IQGAP1: variants seen among roughly 807,000 people sequenced by gnomAD.
The protein encoded by IQGAP1 is ras GTPase-activating-like protein IQGAP1.
A neutral mutation model predicts 215.6 loss-of-function variants in IQGAP1; 66 were observed. That is an observed-to-expected ratio of 0.31 (90% CI 0.25 to 0.38). The LOEUF is 0.38. Ranked by LOEUF, IQGAP1 falls within the 10% of genes least tolerant of loss-of-function variation. IQGAP1 has a pLI of 1.00. For synonymous variants in IQGAP1, 772 were observed against 728.7 expected (o/e 1.06, Z -0.96); for missense variants, 1,712 against 1,997.1 (o/e 0.86, Z 2.72).
Position 90,483,571 on chromosome 15 carries a change from T to C in IQGAP1, c.3766T>C (p.Ser1256Pro). ...CTTAAGCATCATTAATGAATATCTTTCCCAGTCCTACCAGAAATTCAGGTA... is the reference window on the plus strand; with the variant it reads ...CTTAAGCATCATTAATGAATATCTTCCCCAGTCCTACCAGAAATTCAGGTA... ...AHLSIINEYL[S>P]QSYQKFRRFF... Residue 1256 changes from serine to proline, a missense_variant, in exon 29 of 38, where the codon TCC becomes CCC. Ser to Pro is a moderately conservative substitution (Grantham distance 74). Coordinates refer to ENST00000268182, the MANE Select transcript of IQGAP1 (RefSeq NM_003870.4). 1 of 1,611,984 alleles carries C rather than the reference T, an allele frequency of 6.2e-7. No homozygotes were observed. Among genetic ancestry groups the C allele is most frequent in the Non-Finnish European group, 8.5e-7 (1 of 1,179,168 alleles).
chr15:90,490,973 A>T (rs1966195035), intron 33 of IQGAP1, among the ~76,000 whole-genome samples: 1 of 152,030 alleles, frequency 6.6e-6, no homozygotes, highest in African/African-American at 2.4e-5. Context: ...ATGCTCGGCT[A>T]ATTTTGTTTT....
In IQGAP1 at chr15:90,396,738, G is replaced by A. The variant is rs78322062; in HGVS notation, c.155+5865G>A. On this transcript the variant is annotated intron_variant, in intron 2 of 37. Coordinates refer to ENST00000268182, the MANE Select transcript of IQGAP1 (RefSeq NM_003870.4). The stretch of plus-strand genomic sequence containing the variant: ...TTTAAAAGTGTATTTATTAAAAGTG[G>A]TTGAAGCTGAGTGCTTTTCTGTATT... Among the ~76,000 whole-genome samples the A allele has an allele frequency of 2.1e-3, 313 of 152,300 alleles. 1 individual carries two copies. The highest frequency in any genetic ancestry group is 7.3e-3 in the African/African-American group (303 of 41,562).
At position 90,497,352 on chromosome 15, in the gene IQGAP1, C is replaced by T; in HGVS notation, c.4860+12C>T. The T allele has an allele frequency of 7.5e-7, 1 of 1,334,222 alleles. No individual in the cohort carries two copies. Among genetic ancestry groups the T allele is most frequent in the Non-Finnish European group, 1.1e-6 (1 of 934,358 alleles). The allele number at this position is 1,334,222 out of a possible 1,614,324, so 82.6% of individuals were successfully genotyped here. A position where few individuals can be genotyped will look rare whatever the true frequency, so the allele number is the denominator to read the frequency against. ...TGTTACATTATCAGGTGGGTATGCA[C>T]CAGCAGGAACCAAAAACTTTCTGGA... On this transcript the variant is annotated intron_variant, in intron 37 of 37. Transcript: ENST00000268182.
At chr15:90,415,104 T>A (rs1596255436) in intron 2 of IQGAP1, among the ~76,000 whole-genome samples, 1 of 152,330 alleles carries the variant, frequency 6.6e-6, no homozygotes, top group African/African-American at 2.4e-5. Context: ...AATGTTATTT[T>A]AAAAAATCTT....
intron 23 of IQGAP1, among the ~76,000 whole-genome samples, chr15:90,475,931 AT>A (rs1282225236): frequency 1.3e-5 from 2 of 151,228 alleles, no homozygotes; most frequent in Non-Finnish European, 3.0e-5. Flanking sequence ...AGTAGTCATA[AT>A]TTTTTTTTAA....
At position 90,441,487 on chromosome 15, in the gene IQGAP1, T is replaced by G. The variant is rs1431587820; in HGVS notation, c.650-19T>G. 4.0e-5 allele frequency: 64 copies of G among 1,596,396 alleles called. No homozygotes were observed. Among genetic ancestry groups the G allele is most frequent in the Non-Finnish European group, 5.4e-5 (63 of 1,171,844 alleles). On this transcript the variant is annotated intron_variant, in intron 7 of 37. Transcript: ENST00000268182. ...ATCTCAGTGTTTTTGTTGGTTTGTTTTTTTGTTTTTTTTTTTAGTACATGC... is the reference window on the plus strand; with the variant it reads ...ATCTCAGTGTTTTTGTTGGTTTGTTGTTTTGTTTTTTTTTTTAGTACATGC...
chr15:90,486,049 A>G lies in IQGAP1; in HGVS notation c.3941A>G (p.Asp1314Gly). The G allele has an allele frequency of 6.2e-7, 1 of 1,613,890 alleles. No individual in the cohort carries two copies. The highest frequency in any genetic ancestry group is 8.5e-7 in the Non-Finnish European group (1 of 1,179,876). The stretch of plus-strand genomic sequence containing the variant: ...TTGCAGCTCCTGTTGGATCACCAGG[A>G]TGCCATTGCTCCGGAGCACAATGAT... ...NTHTLLLDHQDAIAPEHNDPI... is the reference protein window; with the variant it reads ...NTHTLLLDHQGAIAPEHNDPI... The change falls in exon 31 of 38, where the codon GAT (aspartate) becomes GGT (glycine). Residue 1314 changes from aspartate to glycine, a missense_variant. Physicochemically the swap from Asp to Gly is moderately conservative, Grantham distance 94. Transcript: ENST00000268182.
intron 8 of IQGAP1, 32 bp from the exon 9 acceptor site, chr15:90,443,362 C>G (rs991264804): frequency 6.2e-6 from 9 of 1,446,832 alleles, no homozygotes; most frequent in Non-Finnish European, 8.7e-6. Context: ...ACACCTTAAG[C>G]TAACTTAATT....
chr15:90,464,536 T>C (rs1596279639), intron 15 of IQGAP1, among the ~76,000 whole-genome samples: 1 of 152,086 alleles, frequency 6.6e-6, no homozygotes, highest in Non-Finnish European at 1.5e-5. Flanking sequence ...AATTGAAATA[T>C]GGCAGCCACA....
intron 11 of IQGAP1, among the ~76,000 whole-genome samples, chr15:90,450,330 C>CTTT (rs869037347): frequency 1.5e-3 from 84 of 54,456 alleles, no homozygotes; most frequent in Admixed American, 2.7e-3. Flanking sequence ...TATACACTAC[C>CTTT]TTTTTTTTTT....
chr15:90,455,444 T>C (rs1965665206), intron 14 of IQGAP1, among the ~76,000 whole-genome samples: 1 of 152,080 alleles, frequency 6.6e-6, no homozygotes, highest in African/African-American at 2.4e-5. Context: ...GGGCCCACCA[T>C]GAATCACAGA....
intron 12 of IQGAP1, 69 bp downstream of exon 12, chr15:90,453,007 C>A: frequency 1.3e-6 from 2 of 1,579,270 alleles, no homozygotes; most frequent in Non-Finnish European, 1.7e-6. Flanking sequence ...CCCACTTCTT[C>A]CTGTGGTTAG....
At chr15:90,461,178 G>A (rs1965756799) in intron 15 of IQGAP1, among the ~76,000 whole-genome samples, 1 of 151,828 alleles carries the variant, frequency 6.6e-6, no homozygotes, top group African/African-American at 2.4e-5. Flanking sequence ...CGTGGTGGCA[G>A]GCACCTGTAA....
At chr15:90,487,142 G>T in intron 32 of IQGAP1, 53 bp downstream of exon 32, 1 of 1,596,038 alleles carries the variant, frequency 6.3e-7, no homozygotes, top group East Asian at 2.2e-5. Flanking sequence ...AGGTTTCTTG[G>T]CCTTTGGAGA....
At chr15:90,487,862 A>G (rs1966149318) in intron 33 of IQGAP1, among the ~76,000 whole-genome samples, 1 of 152,088 alleles carries the variant, frequency 6.6e-6, no homozygotes, top group Non-Finnish European at 1.5e-5. Flanking sequence ...GATTCTTTCC[A>G]GCACCCATTC....
intron 15 of IQGAP1, among the ~76,000 whole-genome samples, chr15:90,459,638 C>A (rs1965734060): frequency 6.6e-6 from 1 of 152,114 alleles, no homozygotes; most frequent in African/African-American, 2.4e-5. Context: ...CATTGCCAGG[C>A]CCAGCTGGGT....
At chr15:90,474,223 G>A in intron 22 of IQGAP1, 90 bp downstream of exon 22, 1 of 1,194,992 alleles carries the variant, frequency 8.4e-7, no homozygotes, top group Non-Finnish European at 1.2e-6. Context: ...TTGTTATCCT[G>A]AAGGCAAGGC....
chr15:90,388,429 G>C (rs1431167047), intron 1 of IQGAP1, 33 bp downstream of exon 1: 1 of 1,551,362 alleles, frequency 6.4e-7, no homozygotes, highest in Non-Finnish European at 8.7e-7. Context: ...CGGGGGCTTC[G>C]GGCTGGGCTA....
intron 18 of IQGAP1, among the ~76,000 whole-genome samples, chr15:90,469,805 A>G (rs564966264): frequency 6.6e-6 from 1 of 152,174 alleles, no homozygotes; most frequent in Admixed American, 6.5e-5. Context: ...TGAAATTATA[A>G]AAAGGAAGTA....
Sources: gnomAD v4.1 joint callset for allele counts (sites outside exome capture counted in the v4.1 genomes callset) on GRCh38, gnomAD v4.1.1 for gene constraint, MANE v1.5 for transcripts, NCBI Gene and HGNC (gene_info 2026-07-23, HGNC 2026-07-21) for gene names.